The following ARFGEF3 variants were observed in gnomAD, a reference collection of about 807,000 sequenced individuals.
ARFGEF3 encodes the protein brefeldin A-inhibited guanine nucleotide-exchange protein 3.
A neutral mutation model predicts 221.7 loss-of-function variants in ARFGEF3; 96 were observed. That is an observed-to-expected ratio of 0.43 (90% CI 0.37 to 0.51). The LOEUF (loss-of-function observed/expected upper bound fraction) is 0.51. Ranked by LOEUF, ARFGEF3 falls within the 20% of genes least tolerant of loss-of-function variation. ARFGEF3 has a pLI of 0.00. For missense variants in ARFGEF3, 2,410 were observed against 2,789.9 expected (o/e 0.86, Z 3.07); for synonymous variants, 1,145 against 1,126.8 (o/e 1.02, Z -0.32).
At position 138,162,071 on chromosome 6, in the gene ARFGEF3, C is replaced by A. The variant is rs772483501; in HGVS notation, c.-16C>A. On this transcript the variant is annotated 5_prime_UTR_variant, in exon 1 of 34. Transcript: ENST00000251691. This position sits in a 1 kb window ranked among gnomAD's most constrained non-coding sequence, Gnocchi z 4.7. The stretch of plus-strand genomic sequence containing the variant: ...TCTCTCCCTGTGGGCGGCGGCCCGG[C>A]GCCTGGAAGGTCAAGATGGAAGAAA... 1.3e-6 allele frequency: 2 copies of A among 1,568,208 alleles called. No homozygotes were observed. The highest frequency in any genetic ancestry group is 1.7e-6 in the Non-Finnish European group (2 of 1,156,616).
At chr6:138,226,671 G>T (rs940685668) in intron 4 of ARFGEF3, among the ~76,000 whole-genome samples, 2 of 152,084 alleles carry the variant, frequency 1.3e-5, no homozygotes, top group Non-Finnish European at 2.9e-5. Flanking sequence ...TTTTCCATGG[G>T]GCCAGCGTGC....
chr6:138,315,669 G>A (rs899764082), intron 26 of ARFGEF3, among the ~76,000 whole-genome samples: 1 of 152,066 alleles, frequency 6.6e-6, no homozygotes, highest in Non-Finnish European at 1.5e-5. Flanking sequence ...GGCCAACATG[G>A]TGAAACCCAG....
Position 138,340,842 on chromosome 6 carries a change from G to A in ARFGEF3, c.*4356G>A, listed in dbSNP as rs541291364. 8 of 152,238 alleles carry A rather than the reference G, an allele frequency of 5.3e-5. 1 individual carries two copies. Among genetic ancestry groups the A allele is most frequent in the Admixed American group, 2.0e-4 (3 of 15,290 alleles). 9.4% of individuals were successfully genotyped at this position (152,238 alleles called of 1,614,324 possible). On this transcript the variant is annotated 3_prime_UTR_variant, in exon 34 of 34. Coordinates refer to ENST00000251691, the MANE Select transcript of ARFGEF3 (RefSeq NM_020340.5). Reference sequence around the variant, plus strand: ...AGTATGAAAAAAAGTTTCAAGGAACGAGGCCATGAAAATGAGACTATTTGA... The same window carrying A: ...AGTATGAAAAAAAGTTTCAAGGAACAAGGCCATGAAAATGAGACTATTTGA...
chr6:138,206,579 G>A (rs1429280310), intron 2 of ARFGEF3, among the ~76,000 whole-genome samples: 2 of 152,186 alleles, frequency 1.3e-5, no homozygotes, highest in Non-Finnish European at 2.9e-5. Context: ...GAATTTTGAT[G>A]TATATTGATG....
At chr6:138,163,611 G>A (rs1465296708) in intron 1 of ARFGEF3, among the ~76,000 whole-genome samples, 1 of 152,180 alleles carries the variant, frequency 6.6e-6, no homozygotes, top group Non-Finnish European at 1.5e-5. Flanking sequence ...GATTAATCTA[G>A]TATTTTAATA....
intron 12 of ARFGEF3, among the ~76,000 whole-genome samples, chr6:138,275,056 G>A (rs1169168635): frequency 1.3e-5 from 2 of 150,376 alleles, no homozygotes; most frequent in Non-Finnish European, 1.5e-5. Context: ...GCAGTGAGCT[G>A]AGATTGTGCC....
chr6:138,280,004 C>T lies in ARFGEF3; in HGVS notation c.2301C>T (p.Asp767=), dbSNP rs1004637912. Residue 767 remains aspartate (D), a synonymous_variant, in exon 14 of 34, where the codon GAC becomes GAT. Transcript: ENST00000251691. ...RPTLAPGVMK[D]FMKQVQTSGV... is the part of the protein sequence containing the mutation. ...CTCATGCGATCTCTCTGTAGAAGGA[C>T]TTCATGAAGCAGGTGCAGACCAGCG... The T allele has an allele frequency of 1.2e-6, 2 of 1,613,788 alleles. No homozygotes were observed. Among genetic ancestry groups the T allele is most frequent in the African/African-American group, 2.7e-5 (2 of 74,934 alleles).
chr6:138,234,667 G>T lies in ARFGEF3; in HGVS notation c.421-3842G>T, dbSNP rs575221493. 5.3e-5 allele frequency among the ~76,000 whole-genome samples: 8 copies of T among 152,222 alleles called. No homozygotes were observed. In the East Asian group the frequency reaches 1.5e-3, roughly 29 times the overall value. On this transcript the variant is annotated intron_variant, in intron 5 of 33. Coordinates refer to ENST00000251691, the MANE Select transcript of ARFGEF3 (RefSeq NM_020340.5). ...ACAGTGAGAGCCAAGATTTTCTCTG[G>T]TTCTAATGTGTTCAAGAAGCATTTA... is the stretch of plus-strand genomic sequence containing the variant.
chr6:138,243,075 A>G (rs1354746968), intron 7 of ARFGEF3, 81 bp downstream of exon 7: 2 of 1,111,676 alleles, frequency 1.8e-6, no homozygotes, highest in East Asian at 2.4e-5. Context: ...GAGGGGTACA[A>G]AGATGTCTAG....
intron 10 of ARFGEF3, among the ~76,000 whole-genome samples, chr6:138,258,596 G>A (rs1041167966): frequency 7.9e-5 from 12 of 152,084 alleles, no homozygotes; most frequent in African/African-American, 1.7e-4. Context: ...TTGATTATAC[G>A]TCCCATAACA....
At chr6:138,196,335 A>G (rs529495823) in intron 2 of ARFGEF3, among the ~76,000 whole-genome samples, 1 of 152,262 alleles carries the variant, frequency 6.6e-6, no homozygotes, top group African/African-American at 2.4e-5. Context: ...ACAGTCTACT[A>G]TACACCTAGG....
chr6:138,265,982 G>GAGACGGGTGGAA (rs1211058883), intron 12 of ARFGEF3, among the ~76,000 whole-genome samples: 2 of 152,084 alleles, frequency 1.3e-5, no homozygotes, highest in African/African-American at 4.8e-5. Context: ...TTAGGAGGCT[G>GAGACGGGTGGAA]AGACGGGTGG....
At chr6:138,263,711 G>A (rs896037049) in intron 12 of ARFGEF3, 100 bp downstream of exon 12, 5 of 1,099,300 alleles carry the variant, frequency 4.5e-6, no homozygotes, top group Non-Finnish European at 6.4e-6. Flanking sequence ...CGTGCTCAAA[G>A]CATATTAATG....
At chr6:138,241,693 AG>A (rs1379056849) in intron 6 of ARFGEF3, among the ~76,000 whole-genome samples, 1 of 152,240 alleles carries the variant, frequency 6.6e-6, no homozygotes, top group Non-Finnish European at 1.5e-5. Flanking sequence ...CCTCAAAATT[AG>A]GAAGGTTAAA....
intron 12 of ARFGEF3, among the ~76,000 whole-genome samples, chr6:138,269,053 A>G (rs961253697): frequency 6.6e-6 from 1 of 152,070 alleles, no homozygotes; most frequent in African/African-American, 2.4e-5. Context: ...AGGCCCCCTC[A>G]CCTCTTATAT....
At position 138,207,150 on chromosome 6, in the gene ARFGEF3, A is replaced by T. The variant is rs529568259; in HGVS notation, c.219+27A>T. ...TATGGCTTTGACTGAATGCAATGGGATGATAGAAATTGACAGGCCACTTTG... is the reference window on the plus strand; with the variant it reads ...TATGGCTTTGACTGAATGCAATGGGTTGATAGAAATTGACAGGCCACTTTG... On this transcript the variant is annotated intron_variant, in intron 3 of 33. Transcript: ENST00000251691. 264 of 1,578,238 alleles carry T rather than the reference A, an allele frequency of 1.7e-4. 2 individuals are homozygous for T. In the South Asian group the frequency reaches 2.3e-3, roughly 14 times the overall value.
At chr6:138,277,995 C>T (rs1180857896) in intron 12 of ARFGEF3, among the ~76,000 whole-genome samples, 1 of 152,154 alleles carries the variant, frequency 6.6e-6, no homozygotes, top group Admixed American at 6.6e-5. Context: ...TGCAAAGGCC[C>T]TGCGGCAGGT....
intron 1 of ARFGEF3, among the ~76,000 whole-genome samples, chr6:138,169,577 C>CGCT (rs1776787919): frequency 6.6e-6 from 1 of 152,178 alleles, no homozygotes; most frequent in Non-Finnish European, 1.5e-5. Context: ...TGGTGGGCTG[C>CGCT]ACTGGCCTGT....
intron 2 of ARFGEF3, among the ~76,000 whole-genome samples, chr6:138,198,240 C>T (rs1672555705): frequency 6.6e-6 from 1 of 152,112 alleles, no homozygotes; most frequent in South Asian, 2.1e-4. Flanking sequence ...TTAATAATTG[C>T]AATAGGCTTG....
Sources: allele counts gnomAD v4.1 joint callset (sites outside exome capture counted in the v4.1 genomes callset), GRCh38; gene constraint gnomAD v4.1.1; non-coding constraint Gnocchi (gnomAD v3.1); transcripts MANE v1.5; gene names NCBI Gene and HGNC (gene_info 2026-07-23, HGNC 2026-07-21).